Variants in EDNRB observed in about 807,000 individuals in gnomAD.
The protein encoded by EDNRB is Hirschsprung disease 2.
Under a neutral mutation model 46.4 loss-of-function variants are expected in EDNRB, and 18 were observed. The ratio of observed to expected loss-of-function variants is 0.39; its 90% CI spans 0.27 to 0.57. The LOEUF is 0.57. Ranked by LOEUF, EDNRB falls within the 20% of genes least tolerant of loss-of-function variation. EDNRB has a pLI of 0.61. For missense variants in EDNRB, 434 were observed against 537.5 expected, an observed-to-expected ratio of 0.81 and a Z score of 1.90; for synonymous variants, 213 against 204.9, an observed-to-expected ratio of 1.04 and a Z score of -0.34.
intron 1 of EDNRB, among the ~76,000 whole-genome samples, chr13:77,969,454 C>G (rs917726905): frequency 6.6e-6 from 1 of 152,192 alleles, no homozygotes; most frequent in Non-Finnish European, 1.5e-5. Context: ...TGTCCTGACA[C>G]TGGGTTATCT....
At chr13:77,961,415 A>G (rs973388544) in intron 1 of EDNRB, among the ~76,000 whole-genome samples, 2 of 152,220 alleles carry the variant, frequency 1.3e-5, no homozygotes, top group African/African-American at 4.8e-5. Context: ...AAGAACAGAA[A>G]TAAGAACCAA....
chr13:77,971,262 A>C (rs1238059850), intron 1 of EDNRB, among the ~76,000 whole-genome samples: 1 of 152,220 alleles, frequency 6.6e-6, no homozygotes, highest in Non-Finnish European at 1.5e-5. Context: ...TTATCTAGTT[A>C]GTCTAGCATT....
intron 1 of EDNRB, among the ~76,000 whole-genome samples, chr13:77,938,666 T>G (rs1880641160): frequency 6.6e-6 from 1 of 151,998 alleles, no homozygotes; most frequent in African/African-American, 2.4e-5. Context: ...AGCGCTGGAG[T>G]TTTGGATCCA....
chr13:77,941,909 A>G (rs1172613957), intron 1 of EDNRB, among the ~76,000 whole-genome samples: 1 of 152,250 alleles, frequency 6.6e-6, no homozygotes, highest in Non-Finnish European at 1.5e-5. Flanking sequence ...CATAAACATC[A>G]GTGCAGAGAG....
intron 1 of EDNRB, among the ~76,000 whole-genome samples, chr13:77,906,404 C>T (rs950920044): frequency 6.6e-6 from 1 of 152,030 alleles, no homozygotes; most frequent in South Asian, 2.1e-4. Flanking sequence ...AAACATGAAG[C>T]CTAATTTCCC....
Position 77,898,126 on chromosome 13 carries a change from G to A in EDNRB, c.*74C>T, listed in dbSNP as rs1385487431. The A allele has an allele frequency of 1.1e-5, 18 of 1,571,308 alleles. No individual in the cohort carries two copies. Among genetic ancestry groups the A allele is most frequent in the Non-Finnish European group, 1.5e-5 (17 of 1,158,316 alleles). On this transcript the variant is annotated 3_prime_UTR_variant, in exon 7 of 7. Coordinates refer to ENST00000646607, the MANE Select transcript of EDNRB (RefSeq NM_001122659.3). ...AATACATAGTTTTTTGTTTTGTTTT[G>A]GCAAATGTTTCATTTTGTTTTAATG...
chr13:77,926,678 C>A (rs1048641726), intron 1 of EDNRB, among the ~76,000 whole-genome samples: 1 of 152,184 alleles, frequency 6.6e-6, no homozygotes, highest in Non-Finnish European at 1.5e-5. Flanking sequence ...ACTCTTCCAC[C>A]TCTGCGTGTT....
intron 1 of EDNRB, chr13:77,939,174 T>TG (rs1880661708): frequency 6.6e-6 from 1 of 150,944 alleles, no homozygotes; most frequent in South Asian, 2.1e-4. Context: ...CAGGCAGGAG[T>TG]GGGGGTCACA....
intron 1 of EDNRB, among the ~76,000 whole-genome samples, chr13:77,946,077 A>C (rs544997566): frequency 2.0e-5 from 3 of 152,330 alleles, no homozygotes; most frequent in Middle Eastern, 6.8e-3. Context: ...GAATAATTAC[A>C]AAATAAGATT....
chr13:77,975,243 TCAAAACCAAAAC>T (rs1244625082), intron 1 of EDNRB: 1 of 151,902 alleles, frequency 6.6e-6, no homozygotes, highest in Non-Finnish European at 1.5e-5. Flanking sequence ...TCAAACCAAG[TCAAAACCAAAAC>T]CAAAACCAAA....
intron 1 of EDNRB, among the ~76,000 whole-genome samples, chr13:77,928,505 G>A (rs186735398): frequency 6.6e-5 from 10 of 152,166 alleles, no homozygotes; most frequent in Non-Finnish European, 1.0e-4. Flanking sequence ...AAGGAGTTTC[G>A]TTTTCAAGAG....
Position 77,900,489 on chromosome 13 carries a change from T to C in EDNRB, c.1085+32A>G, listed in dbSNP as rs370856353. 61 of 1,611,504 alleles carry C rather than the reference T, an allele frequency of 3.8e-5. 1 individual carries two copies. In the Middle Eastern group the frequency reaches 4.5e-3, roughly 119 times the overall value. ...GGAAACACTTCTGAGTGGCATTTATTTACAAAACCATTTCTAGTTTGCCTT... is the reference window on the plus strand; with the variant it reads ...GGAAACACTTCTGAGTGGCATTTATCTACAAAACCATTTCTAGTTTGCCTT... On this transcript the variant is annotated intron_variant, in intron 5 of 6. Coordinates refer to ENST00000646607, the MANE Select transcript of EDNRB (RefSeq NM_001122659.3).
chr13:77,919,761 G>T (rs1486281158), upstream of EDNRB: 3 of 737,448 alleles, frequency 4.1e-6, no homozygotes, highest in African/African-American at 5.3e-5. Context: ...GGTCCCAAAA[G>T]GCTGTTTATT....
intron 1 of EDNRB, among the ~76,000 whole-genome samples, chr13:77,969,198 T>C (rs1368382772): frequency 1.3e-5 from 2 of 152,224 alleles, no homozygotes; most frequent in African/African-American, 4.8e-5. Context: ...TAAGCATTTT[T>C]CATAAACAGT....
intron 1 of EDNRB, among the ~76,000 whole-genome samples, chr13:77,933,408 G>A (rs1014394801): frequency 2.0e-5 from 3 of 152,158 alleles, no homozygotes; most frequent in Non-Finnish European, 2.9e-5. Context: ...GTTCTCTGGC[G>A]GGCAGGAGTA....
At chr13:77,911,751 G>A (rs958213102) in intron 1 of EDNRB, among the ~76,000 whole-genome samples, 3 of 151,996 alleles carry the variant, frequency 2.0e-5, no homozygotes, top group East Asian at 1.9e-4. Context: ...CTACAGGGAA[G>A]GATAAATAAC....
intron 1 of EDNRB, among the ~76,000 whole-genome samples, chr13:77,963,661 A>G (rs1203969204): frequency 6.6e-6 from 1 of 152,258 alleles, no homozygotes; most frequent in African/African-American, 2.4e-5. Flanking sequence ...TAAAACCATA[A>G]AAACCCTAGA....
intron 1 of EDNRB, among the ~76,000 whole-genome samples, chr13:77,931,421 A>G (rs376955792): frequency 1.3e-5 from 2 of 152,282 alleles, no homozygotes; most frequent in Non-Finnish European, 2.9e-5. Context: ...TTTGTATGAT[A>G]TAATCCAGCC....
intron 1 of EDNRB, among the ~76,000 whole-genome samples, chr13:77,910,262 G>A (rs957322756): frequency 2.0e-5 from 3 of 151,940 alleles, no homozygotes; most frequent in Admixed American, 6.6e-5. Flanking sequence ...AGTTGTGAAC[G>A]TTTCTTTAAA....
Sources: allele counts gnomAD v4.1 joint callset (sites outside exome capture counted in the v4.1 genomes callset), GRCh38; gene constraint gnomAD v4.1.1; transcripts MANE v1.5; gene names NCBI Gene and HGNC (gene_info 2026-07-23, HGNC 2026-07-21).